Variants in IRAK1BP1 observed in about 807,000 individuals in gnomAD.
IRAK1BP1 encodes the protein interleukin 1 receptor associated kinase 1 binding protein 1, also known as interleukin-1 receptor-associated kinase 1-binding protein 1.
In IRAK1BP1, 24 loss-of-function variants were observed where a neutral mutation model predicts 28.0. That is an observed-to-expected ratio of 0.86 (90% CI 0.62 to 1.20). The LOEUF is 1.20. Ranked by LOEUF, IRAK1BP1 falls within the 50% of genes most tolerant of loss-of-function variation. The pLI is 0.00. For synonymous variants in IRAK1BP1, 131 were observed against 116.3 expected (o/e 1.13, Z -0.81); for missense variants, 336 against 316.7 (o/e 1.06, Z -0.46).
intron 4 of IRAK1BP1, among the ~76,000 whole-genome samples, chr6:78,915,575 C>T (rs1772538609): frequency 6.6e-6 from 1 of 152,142 alleles, no homozygotes; most frequent in South Asian, 2.1e-4. Flanking sequence ...TTGGTGCATA[C>T]CTGGGAGACA....
At chr6:78,923,557 A>C (rs1188215584) in intron 4 of IRAK1BP1, among the ~76,000 whole-genome samples, 1 of 152,216 alleles carries the variant, frequency 6.6e-6, no homozygotes, top group Non-Finnish European at 1.5e-5. Flanking sequence ...TCAGCTCTGC[A>C]CCAAGCAGAC....
intron 4 of IRAK1BP1, among the ~76,000 whole-genome samples, chr6:78,921,187 G>A (rs1582046069): frequency 6.6e-6 from 1 of 152,210 alleles, no homozygotes; most frequent in Admixed American, 6.5e-5. Flanking sequence ...AAGGAAAGGG[G>A]TGACAGATGG....
intron 1 of IRAK1BP1, among the ~76,000 whole-genome samples, chr6:78,873,911 C>T (rs1770890284): frequency 6.6e-6 from 1 of 152,198 alleles, no homozygotes; most frequent in Non-Finnish European, 1.5e-5. Context: ...GCTGAACTGA[C>T]ACCATTTACT....
intron 1 of IRAK1BP1, among the ~76,000 whole-genome samples, chr6:78,874,766 TA>T (rs1309907595): frequency 3.3e-5 from 5 of 152,222 alleles, no homozygotes; most frequent in Non-Finnish European, 5.9e-5. Flanking sequence ...TCCATTTATT[TA>T]AATGCTTTGT....
At chr6:78,889,971 G>A (rs186317859) in intron 2 of IRAK1BP1, among the ~76,000 whole-genome samples, 7 of 152,168 alleles carry the variant, frequency 4.6e-5, no homozygotes, top group African/African-American at 1.2e-4. Flanking sequence ...ACATGTAGAC[G>A]TACATTTATT....
At chr6:78,961,608 G>T in the IRAK1BP1 span, 1 of 1,419,418 alleles carries the variant, frequency 7.0e-7, no homozygotes, top group Non-Finnish European at 9.8e-7. Context: ...ACAAAAAGTT[G>T]AGAAACACTG....
the IRAK1BP1 span, chr6:78,958,599 G>T: frequency 6.4e-7 from 1 of 1,551,290 alleles, no homozygotes; most frequent in Non-Finnish European, 8.8e-7. Flanking sequence ...GAAGAAACCC[G>T]CCTTAAAAAA....
At chr6:78,896,516 C>CT (rs994247042) in intron 2 of IRAK1BP1, among the ~76,000 whole-genome samples, 2 of 152,052 alleles carry the variant, frequency 1.3e-5, no homozygotes, top group Non-Finnish European at 2.9e-5. Flanking sequence ...AAAGGCAAAT[C>CT]TTTAACAGTG....
intron 1 of IRAK1BP1, 75 bp from the exon 2 acceptor site, chr6:78,885,303 A>G (rs1026048994): frequency 9.9e-5 from 80 of 804,394 alleles, no homozygotes; most frequent in Admixed American, 3.2e-4. Flanking sequence ...TAATTAGTGT[A>G]GGTTTCTAAT....
chr6:78,912,747 T>G (rs899165316), intron 4 of IRAK1BP1, among the ~76,000 whole-genome samples: 18 of 152,286 alleles, frequency 1.2e-4, no homozygotes, highest in Admixed American at 4.6e-4. Flanking sequence ...TTACCTTATG[T>G]AAAAACGTGA....
chr6:78,898,342 A>G lies in IRAK1BP1; in HGVS notation c.*8A>G. 1 of 1,449,150 alleles carries G rather than the reference A, an allele frequency of 6.9e-7. No individual in the cohort carries two copies. Among genetic ancestry groups the G allele is most frequent in the Non-Finnish European group, 9.4e-7 (1 of 1,063,154 alleles). The allele number at this position is 1,449,150 out of a possible 1,614,324, so 89.8% of individuals were successfully genotyped here. On this transcript the variant is annotated 3_prime_UTR_variant, in exon 4 of 4. Transcript: ENST00000369940. ...AGAAAAAAGCACCTTTGAAATTCCA[A>G]ACAAATTATATTGTACTTGTATCTT...
At chr6:78,932,908 T>A (rs1773102035) in intron 4 of IRAK1BP1, among the ~76,000 whole-genome samples, 1 of 152,170 alleles carries the variant, frequency 6.6e-6, no homozygotes, top group South Asian at 2.1e-4. Flanking sequence ...TTTTTATTTT[T>A]TTATTTTTTT....
intron 1 of IRAK1BP1, among the ~76,000 whole-genome samples, chr6:78,875,004 G>A (rs1770943361): frequency 6.6e-6 from 1 of 152,086 alleles, no homozygotes; most frequent in Admixed American, 6.5e-5. Context: ...TCTGACAAAG[G>A]TCTAATGTCC....
intron 4 of IRAK1BP1, among the ~76,000 whole-genome samples, chr6:78,911,954 A>G (rs1255751086): frequency 6.6e-6 from 1 of 152,122 alleles, no homozygotes; most frequent in East Asian, 1.9e-4. Flanking sequence ...GGTGTTCACT[A>G]AGTGTGAAAT....
chr6:78,924,631 A>C (rs1330311595), intron 4 of IRAK1BP1, among the ~76,000 whole-genome samples: 1 of 152,200 alleles, frequency 6.6e-6, no homozygotes, highest in Admixed American at 6.5e-5. Flanking sequence ...AGGATTTTAG[A>C]CCAATATCCC....
chr6:78,911,797 C>T (rs1348884122), intron 4 of IRAK1BP1, among the ~76,000 whole-genome samples: 2 of 152,006 alleles, frequency 1.3e-5, no homozygotes, highest in Non-Finnish European at 2.9e-5. Flanking sequence ...CTTCTGTTAC[C>T]CTCGTCATTT....
At chr6:78,942,278 T>C (rs748084090) in intron 4 of IRAK1BP1, among the ~76,000 whole-genome samples, 1 of 151,926 alleles carries the variant, frequency 6.6e-6, no homozygotes, top group African/African-American at 2.4e-5. Flanking sequence ...AGGTCAGGAG[T>C]TCGAGACCAG....
chr6:78,934,244 G>T (rs1272303907), intron 4 of IRAK1BP1, among the ~76,000 whole-genome samples: 1 of 152,132 alleles, frequency 6.6e-6, no homozygotes, highest in Non-Finnish European at 1.5e-5. Context: ...AATGACTACT[G>T]ATCACAGATC....
chr6:78,963,872 C>T, the IRAK1BP1 span, among the ~76,000 whole-genome samples: 6 of 152,234 alleles, frequency 3.9e-5, no homozygotes, highest in South Asian at 8.3e-4. Context: ...CTAGAAAATA[C>T]GCCACTGTTT....
Sources: allele counts gnomAD v4.1 joint callset (sites outside exome capture counted in the v4.1 genomes callset), GRCh38; gene constraint gnomAD v4.1.1; transcripts MANE v1.5; gene names NCBI Gene and HGNC (gene_info 2026-07-23, HGNC 2026-07-21).